MDGA2: variants seen among roughly 807,000 people sequenced by gnomAD.
The protein encoded by MDGA2 is MAM domain-containing glycosylphosphatidylinositol anchor protein 2.
In MDGA2, 40 loss-of-function variants were observed where a neutral mutation model predicts 117.8. That is an observed-to-expected ratio of 0.34 (90% confidence interval 0.26 to 0.44). The LOEUF (loss-of-function observed/expected upper bound fraction) is 0.44, where lower values mean the gene tolerates loss of function less well. Among genes scored for constraint, MDGA2 ranks in the 20% least tolerant of loss-of-function variants. The pLI is 1.00. For missense variants in MDGA2, 1,123 were observed against 1,250.6 expected (o/e 0.90, Z 1.54); for synonymous variants, 452 against 439.0 (o/e 1.03, Z -0.37).
intron 10 of MDGA2, among the ~76,000 whole-genome samples, chr14:46,888,713 T>G (rs1882762809): frequency 6.9e-6 from 1 of 144,084 alleles, no homozygotes; most frequent in Non-Finnish European, 1.5e-5. Flanking sequence ...TGTTTTCCTC[T>G]TTTTTTTTTT....
In MDGA2 at chr14:47,612,209, C is replaced by T. The variant is rs377055610; in HGVS notation, c.280+62308G>A. Reference sequence around the variant, plus strand: ...CAAATGTGATAGATAGATAGATAGACAGATAGATAGATAGATAGATAGATA... The same window carrying T: ...CAAATGTGATAGATAGATAGATAGATAGATAGATAGATAGATAGATAGATA... On this transcript the variant is annotated intron_variant, in intron 1 of 16. Coordinates refer to ENST00000399232, the MANE Select transcript of MDGA2 (RefSeq NM_001113498.3). Among the ~76,000 whole-genome samples the T allele has an allele frequency of 5.1e-3, 741 of 145,800 alleles. 4 individuals carry two copies. Among genetic ancestry groups the T allele is most frequent in the African/African-American group, 0.016 (652 of 39,594 alleles).
intron 2 of MDGA2, among the ~76,000 whole-genome samples, chr14:47,297,892 G>A (rs1035494574): frequency 2.6e-5 from 4 of 152,044 alleles, no homozygotes; most frequent in African/African-American, 9.7e-5. Flanking sequence ...TAGAGCTGAT[G>A]GTCCTAAATT....
At position 46,924,608 on chromosome 14, in the gene MDGA2, T is replaced by C. The variant is rs80173061; in HGVS notation, c.2090-4448A>G. 1.1e-4 allele frequency among the ~76,000 whole-genome samples: 16 copies of C among 152,118 alleles called. No homozygotes were observed. The East Asian group carries it at 2.7e-3, about 26-fold the overall frequency. ...ACAGACAATACATAGCTAATACATATTGCTTTCCTACGAGGTGCTGAGAAA... is the reference window on the plus strand; with the variant it reads ...ACAGACAATACATAGCTAATACATACTGCTTTCCTACGAGGTGCTGAGAAA... On this transcript the variant is annotated intron_variant, in intron 9 of 16. Coordinates refer to ENST00000399232, the MANE Select transcript of MDGA2 (RefSeq NM_001113498.3).
intron 2 of MDGA2, among the ~76,000 whole-genome samples, chr14:47,242,635 C>T (rs953760426): frequency 1.3e-5 from 2 of 151,790 alleles, no homozygotes; most frequent in Non-Finnish European, 1.5e-5. Flanking sequence ...TGCTGGCCCA[C>T]CAGCGCTGCG....
chr14:47,175,151 T>C (rs1379277470), intron 3 of MDGA2, among the ~76,000 whole-genome samples: 2 of 151,524 alleles, frequency 1.3e-5, no homozygotes, highest in Admixed American at 1.3e-4. Flanking sequence ...ATTGTGGCAA[T>C]AATCAATAGC....
intron 3 of MDGA2, among the ~76,000 whole-genome samples, chr14:47,152,971 G>T (rs1277215067): frequency 6.6e-6 from 1 of 152,140 alleles, no homozygotes; most frequent in African/African-American, 2.4e-5. Context: ...GTAGGAAGTA[G>T]CACACATAAA....
intron 1 of MDGA2, among the ~76,000 whole-genome samples, chr14:47,433,916 C>T (rs1892847808): frequency 6.6e-6 from 1 of 152,018 alleles, no homozygotes; most frequent in African/African-American, 2.4e-5. Flanking sequence ...TAAAGTTTTG[C>T]ATGTGTTTGA....
At chr14:47,521,626 T>C (rs1392629551) in intron 1 of MDGA2, among the ~76,000 whole-genome samples, 2 of 152,164 alleles carry the variant, frequency 1.3e-5, no homozygotes, top group Admixed American at 1.3e-4. Flanking sequence ...TCAAAATATC[T>C]TTATGTTATT....
In MDGA2 at chr14:47,312,693, G is replaced by GTTTTTTTTTTTTTTTTTT. The variant is rs375332903; in HGVS notation, c.281-11144_281-11143insAAAAAAAAAAAAAAAAAA. Among the ~76,000 whole-genome samples the GTTTTTTTTTTTTTTTTTT allele has an allele frequency of 9.5e-4, 99 of 104,354 alleles. 2 individuals carry two copies. The highest frequency in any genetic ancestry group is 1.4e-3 in the East Asian group (5 of 3,644). The allele number at this position is 104,354 out of a possible 152,430, so 68.5% of individuals were successfully genotyped here. A position where few individuals can be genotyped will look rare whatever the true frequency, so the allele number is the denominator to read the frequency against. On this transcript the variant is annotated intron_variant, in intron 1 of 16. Coordinates refer to ENST00000399232, the MANE Select transcript of MDGA2 (RefSeq NM_001113498.3). ...TAGTTTTTAGTTTTTTTTTTGTTTT[G>GTTTTTTTTTTTTTTTTTT]TTTTGTTTTTTTTTTTTGTAGAGAT...
At chr14:46,917,084 G>A (rs918562055) in intron 10 of MDGA2, among the ~76,000 whole-genome samples, 11 of 151,568 alleles carry the variant, frequency 7.3e-5, no homozygotes, top group African/African-American at 2.7e-4. Context: ...ATCCAATCAA[G>A]AAGGCTTGAA....
chr14:47,135,629 G>A (rs968592855), intron 4 of MDGA2, among the ~76,000 whole-genome samples: 5 of 151,670 alleles, frequency 3.3e-5, no homozygotes, highest in East Asian at 1.9e-4. Context: ...GGGGGTGGGC[G>A]GGGTCAAGGT....
At chr14:47,055,682 G>A (rs1273271990) in intron 7 of MDGA2, among the ~76,000 whole-genome samples, 3 of 152,112 alleles carry the variant, frequency 2.0e-5, no homozygotes, top group African/African-American at 7.2e-5. Context: ...CAAAAGTGTA[G>A]GTTTGAGGTC....
intron 1 of MDGA2, among the ~76,000 whole-genome samples, chr14:47,360,918 T>G (rs1237462344): frequency 6.6e-6 from 1 of 151,792 alleles, no homozygotes; most frequent in Non-Finnish European, 1.5e-5. Flanking sequence ...GAGTAACAAG[T>G]AGTTACCAGG....
At chr14:47,579,125 C>T (rs1236701827) in intron 1 of MDGA2, among the ~76,000 whole-genome samples, 2 of 151,946 alleles carry the variant, frequency 1.3e-5, no homozygotes, top group Non-Finnish European at 2.9e-5. Context: ...AATATTGAAA[C>T]ATACTAACCT....
At chr14:46,851,079 G>C (rs1881038431) in intron 15 of MDGA2, among the ~76,000 whole-genome samples, 2 of 151,776 alleles carry the variant, frequency 1.3e-5, no homozygotes, top group Admixed American at 1.3e-4. Context: ...CTCTTTTCCA[G>C]TCCCTGTTAC....
intron 1 of MDGA2, among the ~76,000 whole-genome samples, chr14:47,587,954 T>C (rs1320133346): frequency 6.6e-6 from 1 of 151,846 alleles, no homozygotes; most frequent in Non-Finnish European, 1.5e-5. Flanking sequence ...TTCCAAACAT[T>C]TCATATAAAT....
chr14:47,473,972 T>A (rs977020687), intron 1 of MDGA2, among the ~76,000 whole-genome samples: 1 of 152,308 alleles, frequency 6.6e-6, no homozygotes, highest in East Asian at 1.9e-4. Flanking sequence ...TACTGGAAGT[T>A]CTGGCCAGGG....
In MDGA2 at chr14:47,106,094, T is replaced by C. The variant is rs527246668; in HGVS notation, c.926-8971A>G. Among the ~76,000 whole-genome samples, 254 of 152,272 alleles carry C rather than the reference T, an allele frequency of 1.7e-3. 3 individuals carry two copies. Among genetic ancestry groups the C allele is most frequent in the African/African-American group, 5.9e-3 (245 of 41,554 alleles). On this transcript the variant is annotated intron_variant, in intron 5 of 16. Transcript: ENST00000399232. Reference sequence around the variant, plus strand: ...CCCAAATCGGATAGCGTTTAGGCTTTTTTTCATCAAATATAAAAATCCAGC... The same window carrying C: ...CCCAAATCGGATAGCGTTTAGGCTTCTTTTCATCAAATATAAAAATCCAGC...
chr14:47,051,522 T>C (rs1889456655), intron 7 of MDGA2, among the ~76,000 whole-genome samples: 1 of 151,758 alleles, frequency 6.6e-6, no homozygotes, highest in Non-Finnish European at 1.5e-5. Flanking sequence ...ATTATGAAAA[T>C]TAGGTTCTTT....
Sources: allele counts gnomAD v4.1 joint callset (sites outside exome capture counted in the v4.1 genomes callset), GRCh38; gene constraint gnomAD v4.1.1; transcripts MANE v1.5; gene names NCBI Gene and HGNC (gene_info 2026-07-23, HGNC 2026-07-21).